Variants in TNRC18 observed in about 807,000 individuals in gnomAD.
TNRC18 encodes the protein trinucleotide repeat containing 18.
TNRC18 carries 69 observed loss-of-function variants against 226.7 expected under a neutral mutation model. The ratio of observed to expected loss-of-function variants is 0.30; its 90% CI spans 0.25 to 0.37. The LOEUF is 0.37. Ranked by LOEUF, TNRC18 falls within the 10% of genes least tolerant of loss-of-function variation. The pLI, the probability that TNRC18 is intolerant of heterozygous loss-of-function variation, is 1.00. For missense variants in TNRC18, 4,754 were observed against 4,256.6 expected (o/e 1.12, Z -3.25); for synonymous variants, 2,449 against 1,927.6 (o/e 1.27, Z -7.09).
intron 11 of TNRC18, among the ~76,000 whole-genome samples, chr7:5,367,153 C>T (rs1280128037): frequency 2.0e-5 from 3 of 152,040 alleles, no homozygotes; most frequent in South Asian, 2.1e-4. Context: ...TCACTTGAGG[C>T]CAGGAGTTCA....
At chr7:5,310,503 G>A (rs1207453334) in intron 27 of TNRC18, among the ~76,000 whole-genome samples, 1 of 152,146 alleles carries the variant, frequency 6.6e-6, no homozygotes, top group African/African-American at 2.4e-5. Context: ...CCAGAGTGCT[G>A]GGATTACAGG....
At position 5,423,590 on chromosome 7, in the gene TNRC18, C is replaced by A; in HGVS notation, c.-393G>T. The A allele has an allele frequency of 6.6e-6, 1 of 152,148 alleles. No individual in the cohort carries two copies. Among genetic ancestry groups the A allele is most frequent in the South Asian group, 2.0e-4 (1 of 4,960 alleles). 9.4% of individuals were successfully genotyped at this position (152,148 alleles called of 1,614,324 possible). Reference sequence around the variant, plus strand: ...CCGCAGCCGCCTCACACTTTTTGCCCGCCTTTCCTTTTTTTGGTAGAAAAC... The same window carrying A: ...CCGCAGCCGCCTCACACTTTTTGCCAGCCTTTCCTTTTTTTGGTAGAAAAC... On this transcript the variant is annotated 5_prime_UTR_variant, in exon 1 of 30. Coordinates refer to ENST00000430969, the MANE Select transcript of TNRC18 (RefSeq NM_001080495.3).
At chr7:5,353,960 T>G (rs1177618667) in intron 16 of TNRC18, among the ~76,000 whole-genome samples, 1 of 152,020 alleles carries the variant, frequency 6.6e-6, no homozygotes, top group African/African-American at 2.4e-5. Flanking sequence ...CCCAGCACTT[T>G]GGGAGGCCGA....
chr7:5,416,786 G>A (rs1782216861), intron 2 of TNRC18, among the ~76,000 whole-genome samples: 1 of 151,912 alleles, frequency 6.6e-6, no homozygotes, highest in Non-Finnish European at 1.5e-5. Flanking sequence ...GAGCCCAGGA[G>A]TTCGAGACCA....
At position 5,324,936 on chromosome 7, in the gene TNRC18, G is replaced by A. The variant is rs1788742600; in HGVS notation, c.6300+160C>T. On this transcript the variant is annotated intron_variant, in intron 20 of 29. Transcript: ENST00000430969. The surrounding 1 kb of genome is among the most constrained non-coding windows in gnomAD (Gnocchi z 4.8). ...GAGTCCCCAGTATCTCCTTATCCCT[G>A]GAGTGTGGGGACGGCCACATCACCC... 1.3e-5 allele frequency among the ~76,000 whole-genome samples: 2 copies of A among 152,140 alleles called. No homozygotes were observed. Among genetic ancestry groups the A allele is most frequent in the Admixed American group, 6.5e-5 (1 of 15,270 alleles).
chr7:5,339,932 C>A (rs555471305), intron 18 of TNRC18, among the ~76,000 whole-genome samples: 1 of 152,196 alleles, frequency 6.6e-6, no homozygotes, highest in African/African-American at 2.4e-5. Context: ...CTCCGCCAAC[C>A]GGCCTTCCTC....
intron 5 of TNRC18, among the ~76,000 whole-genome samples, chr7:5,383,024 G>C (rs1779504874): frequency 6.6e-6 from 1 of 152,174 alleles, no homozygotes; most frequent in African/African-American, 2.4e-5. Context: ...CCTCCCAGTA[G>C]CTGGGACTAT....
rs1326041131 is a variant in TNRC18, at chr7:5,332,633, C to A, written c.6136G>T (p.Asp2046Tyr). ...AGCGCGGCCCCTACCTTCCTGGGGT[C>A]CTTCCTGTCCTTTGCACGCCCGGCG... Reference protein sequence around the residue: ...KDAGRAKDRKDPRKKKKGKEA... With the variant: ...KDAGRAKDRKYPRKKKKGKEA... The change falls in exon 19 of 30, where the codon GAC becomes TAC. Residue 2046 changes from aspartate to tyrosine, a missense_variant. Transcript: ENST00000430969. The A allele has an allele frequency of 1.3e-6, 2 of 1,529,076 alleles. No individual in the cohort carries two copies. Among genetic ancestry groups the A allele is most frequent in the Non-Finnish European group, 1.8e-6 (2 of 1,139,864 alleles). The allele number at this position is 1,529,076 out of a possible 1,614,324, so 94.7% of individuals were successfully genotyped here. A position where few individuals can be genotyped will look rare whatever the true frequency, so the allele number is the denominator to read the frequency against.
At chr7:5,403,792 T>TAA (rs551657031) in intron 2 of TNRC18, among the ~76,000 whole-genome samples, 30 of 137,542 alleles carry the variant, frequency 2.2e-4, no homozygotes, top group East Asian at 8.5e-4. Flanking sequence ...CCTGTCTGTT[T>TAA]AAAAAAAAAA....
intron 2 of TNRC18, among the ~76,000 whole-genome samples, chr7:5,405,905 AAAAT>A (rs1781433970): frequency 6.6e-6 from 1 of 152,220 alleles, no homozygotes; most frequent in Admixed American, 6.5e-5. Flanking sequence ...TCTATTTTAA[AAAAT>A]AAAAATAGAA....
At chr7:5,345,921 C>G (rs1052148975) in intron 17 of TNRC18, 111 bp from the exon 18 acceptor site, 35 of 1,414,304 alleles carry the variant, frequency 2.5e-5, no homozygotes, top group Non-Finnish European at 3.1e-5. Context: ...TCCCTCAGTC[C>G]TGAGCAGGGG....
At chr7:5,325,533 C>A in intron 19 of TNRC18, 1 of 344,818 alleles carries the variant, frequency 2.9e-6, no homozygotes, top group Non-Finnish European at 5.3e-6. Flanking sequence ...ACGCCATTCT[C>A]CTGCCTCAGC....
intron 14 of TNRC18, among the ~76,000 whole-genome samples, chr7:5,360,031 TC>T (rs978960212): frequency 6.6e-6 from 1 of 151,404 alleles, no homozygotes; most frequent in African/African-American, 2.4e-5. Context: ...GTCTCTGGAA[TC>T]CCGTGCGCAG....
intron 15 of TNRC18, among the ~76,000 whole-genome samples, chr7:5,358,383 G>A (rs937381474): frequency 6.6e-6 from 1 of 152,170 alleles, no homozygotes; most frequent in Non-Finnish European, 1.5e-5. Flanking sequence ...GAAAAAAGCT[G>A]GGATGGTGTC....
At chr7:5,361,072 C>T (rs1027396912) in intron 14 of TNRC18, among the ~76,000 whole-genome samples, 36 of 152,196 alleles carry the variant, frequency 2.4e-4, no homozygotes, top group African/African-American at 8.4e-4. Context: ...GCTCTCATTC[C>T]AGCTGGCGTT....
Position 5,388,880 on chromosome 7 carries a change from G to A in TNRC18, c.944C>T (p.Ala315Val), listed in dbSNP as rs1039984597. Reference sequence around the variant, plus strand: ...GGTCTCCGTGCGCCGCAGCAGCCGCGCGCCCTCGTCCTGCCGGGCAGCCTC... The same window carrying A: ...GGTCTCCGTGCGCCGCAGCAGCCGCACGCCCTCGTCCTGCCGGGCAGCCTC... ...AKEAARQDEG[A>V]RLLRRTETLL... The change falls in exon 5 of 30, where the codon GCG (alanine) becomes GTG (valine). Residue 315 changes from alanine to valine, a missense_variant. By Grantham distance (64) the Ala-to-Val change is moderately conservative (BLOSUM62 0). Transcript: ENST00000430969. The A allele has an allele frequency of 4.5e-6, 6 of 1,328,774 alleles. No homozygotes were observed. Among genetic ancestry groups the A allele is most frequent in the African/African-American group, 3.2e-5 (2 of 62,462 alleles). The allele number at this position is 1,328,774 out of a possible 1,614,324, so 82.3% of individuals were successfully genotyped here.
chr7:5,384,043 C>A (rs1779584514), intron 5 of TNRC18, among the ~76,000 whole-genome samples: 1 of 144,892 alleles, frequency 6.9e-6, no homozygotes, highest in Non-Finnish European at 1.5e-5. Flanking sequence ...CAGCTCACTG[C>A]AACCTCCTCC....
rs1482406896 is a variant in TNRC18 at position 5,358,091 on chromosome 7, ATC to A, written c.4834-817_4834-816del. ...AGATTGAAGCGCAGCTGATATGCCT[ATC>A]TCAGCCACCTACAGCAGCTGACAAA... is the stretch of plus-strand genomic sequence containing the variant. On this transcript the variant is annotated intron_variant, in intron 15 of 29. Transcript: ENST00000430969. Among the ~76,000 whole-genome samples, 3 of 152,182 alleles carry A rather than the reference ATC, an allele frequency of 2.0e-5. No individual in the cohort carries two copies. In the East Asian group the frequency reaches 5.8e-4, roughly 29 times the overall value.
At chr7:5,315,623 C>T (rs6956630) in intron 25 of TNRC18, among the ~76,000 whole-genome samples, 5,989 of 152,224 alleles carry the variant, frequency 0.039, 400 homozygotes, top group African/African-American at 0.14. Context: ...AGGGTTTCAC[C>T]ATATTGGCTG....
Sources: allele counts gnomAD v4.1 joint callset (sites outside exome capture counted in the v4.1 genomes callset), GRCh38; gene constraint gnomAD v4.1.1; non-coding constraint Gnocchi (gnomAD v3.1); transcripts MANE v1.5; gene names NCBI Gene and HGNC (gene_info 2026-07-23, HGNC 2026-07-21).